RAB11FIP1: variants seen among roughly 807,000 people sequenced by gnomAD.
RAB11FIP1 encodes the protein rab11 family-interacting protein 1.
A neutral mutation model predicts 83.1 loss-of-function variants in RAB11FIP1; 49 were observed. The observed-to-expected ratio is 0.59, with a 90% CI of 0.47 to 0.75. The LOEUF is 0.75. Among genes scored for constraint, RAB11FIP1 ranks in the 30% least tolerant of loss-of-function variants. The pLI is 0.00. For synonymous variants in RAB11FIP1, 670 were observed against 656.0 expected (o/e 1.02, Z -0.33); for missense variants, 1,536 against 1,598.7 (o/e 0.96, Z 0.67).
chr8:37,870,399 C>A (rs776185830), intron 5 of RAB11FIP1, 21 bp downstream of exon 5: 2 of 1,417,282 alleles, frequency 1.4e-6, no homozygotes, highest in East Asian at 2.3e-5. Flanking sequence ...AACGAACACA[C>A]CAGCTTCTCA....
intron 1 of RAB11FIP1, among the ~76,000 whole-genome samples, chr8:37,897,329 C>T (rs1807108668): frequency 6.6e-6 from 1 of 151,242 alleles, no homozygotes; most frequent in Non-Finnish European, 1.5e-5. Context: ...TCCTGTCTCC[C>T]ACAGAAGGGA....
At chr8:37,884,862 T>C (rs985991148) in intron 1 of RAB11FIP1, among the ~76,000 whole-genome samples, 1 of 151,934 alleles carries the variant, frequency 6.6e-6, no homozygotes, top group Non-Finnish European at 1.5e-5. Flanking sequence ...TTTTGTTTTG[T>C]TTTAGAGATA....
At chr8:37,876,703 C>T (rs1406172804) in intron 2 of RAB11FIP1, among the ~76,000 whole-genome samples, 6 of 151,256 alleles carry the variant, frequency 4.0e-5, no homozygotes, top group Middle Eastern at 3.4e-3. Context: ...TGCAGTGGCA[C>T]GATCACAGCT....
chr8:37,890,878 C>G (rs1806935525), intron 1 of RAB11FIP1, among the ~76,000 whole-genome samples: 2 of 152,154 alleles, frequency 1.3e-5, no homozygotes, highest in African/African-American at 4.8e-5. Context: ...TCGGACATCC[C>G]CAGTCTGTAA....
chr8:37,890,248 T>C (rs976628398), intron 1 of RAB11FIP1, among the ~76,000 whole-genome samples: 3 of 152,214 alleles, frequency 2.0e-5, no homozygotes, highest in Non-Finnish European at 2.9e-5. Context: ...GCCCATTCTT[T>C]TATAATAACC....
At position 37,861,859 on chromosome 8, in the gene RAB11FIP1, G is replaced by A; in HGVS notation, c.*1036C>T. 3.8e-6 allele frequency: 1 copy of A among 262,188 alleles called. No individual in the cohort carries two copies. Among genetic ancestry groups the A allele is most frequent in the South Asian group, 3.4e-5 (1 of 29,146 alleles). The allele number at this position is 262,188 out of a possible 1,614,324, so 16.2% of individuals were successfully genotyped here. ...CCTCCTCGGCCTTGCAAAGTGCTGGGATTACAGGCATGAGCCACCACGACT... is the reference window on the plus strand; with the variant it reads ...CCTCCTCGGCCTTGCAAAGTGCTGGAATTACAGGCATGAGCCACCACGACT... On this transcript the variant is annotated 3_prime_UTR_variant, in exon 6 of 6. Transcript: ENST00000330843.
At position 37,878,692 on chromosome 8, in the gene RAB11FIP1, T is replaced by TA. The variant is rs1326272323; in HGVS notation, c.372-1142dup. Among the ~76,000 whole-genome samples, 1,033 of 132,024 alleles carry TA rather than the reference T, an allele frequency of 7.8e-3. 10 individuals carry two copies. The highest frequency in any genetic ancestry group is 0.023 in the African/African-American group (813 of 35,996). 86.6% of individuals were successfully genotyped at this position (132,024 alleles called of 152,430 possible). On this transcript the variant is annotated intron_variant, in intron 1 of 5. Transcript: ENST00000330843. ...AAATAATAATAATACAACACAGAAT[T>TA]AAAAAAAAAAAAAAAGTGGGGAGGG...
chr8:37,894,780 G>A (rs1029738110), intron 1 of RAB11FIP1, among the ~76,000 whole-genome samples: 39 of 146,316 alleles, frequency 2.7e-4, no homozygotes, highest in Admixed American at 2.5e-3. Context: ...ATAGAGTTTC[G>A]TTCTTGTCGC....
rs1382696511 is a variant in RAB11FIP1, at chr8:37,860,915, T to C, written c.*1980A>G. The C allele has an allele frequency of 6.6e-6, 1 of 152,648 alleles. No individual in the cohort carries two copies. Among genetic ancestry groups the C allele is most frequent in the African/African-American group, 2.4e-5 (1 of 41,456 alleles). The allele number at this position is 152,648 out of a possible 1,614,324, so 9.5% of individuals were successfully genotyped here. On this transcript the variant is annotated 3_prime_UTR_variant, in exon 6 of 6. Transcript: ENST00000330843. ...TCCTGGAAAGAGATTGCACTGCCAA[T>C]GATTTTGTCTCTTAACCTCAATGTA... is the stretch of plus-strand genomic sequence containing the variant.
intron 5 of RAB11FIP1, among the ~76,000 whole-genome samples, chr8:37,865,777 T>C (rs1417103723): frequency 1.3e-5 from 2 of 152,226 alleles, no homozygotes; most frequent in African/African-American, 2.4e-5. Flanking sequence ...ATTTTAACTA[T>C]TCCTCTATTG....
chr8:37,887,587 C>T (rs973233371), intron 1 of RAB11FIP1, among the ~76,000 whole-genome samples: 10 of 151,550 alleles, frequency 6.6e-5, no homozygotes, highest in Non-Finnish European at 1.3e-4. Flanking sequence ...CTGACCATTG[C>T]CTTTTTATAA....
intron 5 of RAB11FIP1, among the ~76,000 whole-genome samples, chr8:37,869,082 G>A (rs565448181): frequency 6.6e-6 from 1 of 151,998 alleles, no homozygotes; most frequent in East Asian, 1.9e-4. Flanking sequence ...ACATAAATTA[G>A]CTGGGCATGG....
At position 37,873,020 on chromosome 8, in the gene RAB11FIP1, G is replaced by C. The variant is rs747491998; in HGVS notation, c.1782C>G (p.Val594=). 85 of 1,614,014 alleles carry C rather than the reference G, an allele frequency of 5.3e-5. No individual in the cohort carries two copies. Among genetic ancestry groups the C allele is most frequent in the Non-Finnish European group, 6.9e-5 (82 of 1,180,020 alleles). ...ADTQSSESPS[V]FSSLSSPIAA... ...CTATGGGAGATGAGAGAGAGGAGAA[G>C]ACAGAAGGACTCTCAGAGGACTGTG... The change falls in exon 4 of 6, where the codon GTC becomes GTG. Residue 594 remains valine (V), a synonymous_variant. Transcript: ENST00000330843.
rs1806643333 is a variant in RAB11FIP1 at position 37,877,519 on chromosome 8, T to C, written c.404A>G (p.Lys135Arg). The change falls in exon 2 of 6, where the codon AAG (lysine) becomes AGG (arginine). Residue 135 changes from lysine to arginine, a missense_variant. Coordinates refer to ENST00000330843, the MANE Select transcript of RAB11FIP1 (RefSeq NM_001002814.3). Reference protein sequence around the residue: ...WYKLKSKPGKKDKERGEIEVD... With the variant: ...WYKLKSKPGKRDKERGEIEVD... ...CTCAATTTCTCCTCGCTCCTTGTCC[T>C]TCTTTCCTGGTTTGGATTTCAACTT... 2 of 1,609,868 alleles carry C rather than the reference T, an allele frequency of 1.2e-6. No homozygotes were observed. The highest frequency in any genetic ancestry group is 1.7e-6 in the Non-Finnish European group (2 of 1,179,746).
chr8:37,863,349 G>T (rs138570464), intron 5 of RAB11FIP1, among the ~76,000 whole-genome samples: 3,176 of 152,148 alleles, frequency 0.021, 100 homozygotes, highest in African/African-American at 0.073. Flanking sequence ...GGGTTCAAGT[G>T]ATTCTCCCAC....
chr8:37,895,419 A>AGGTTTCTAT (rs1807065434), intron 1 of RAB11FIP1, among the ~76,000 whole-genome samples: 1 of 148,722 alleles, frequency 6.7e-6, no homozygotes, highest in East Asian at 2.0e-4. Context: ...CCTCCTAAAA[A>AGGTTTCTAT]GGTTTCTATC....
rs775855916 is a variant in RAB11FIP1 at position 37,872,711 on chromosome 8, A to G, written c.2091T>C (p.Pro697=). The G allele has an allele frequency of 3.0e-5, 48 of 1,614,072 alleles. No individual in the cohort carries two copies. Among genetic ancestry groups the G allele is most frequent in the Middle Eastern group, 1.6e-4 (1 of 6,084 alleles). Residue 697 remains proline, a synonymous_variant, in exon 4 of 6, where the codon CCT becomes CCC. Coordinates refer to ENST00000330843, the MANE Select transcript of RAB11FIP1 (RefSeq NM_001002814.3). The stretch of plus-strand genomic sequence containing the variant: ...GTTCTTCCTCTTGTCGCCCTGTTTC[A>G]GGCTGCTCTGGGAGAGACTCCTCCA... ...LELEESLPEQ[P]ETGRQEEELP... is the part of the protein sequence containing the mutation.
intron 1 of RAB11FIP1, chr8:37,878,013 C>T (rs571708276): frequency 1.3e-5 from 2 of 154,204 alleles, no homozygotes; most frequent in Non-Finnish European, 1.4e-5. Context: ...AGCCACTGCA[C>T]CCGGCTGAGA....
intron 3 of RAB11FIP1, 122 bp from the exon 4 acceptor site, chr8:37,873,301 A>G: frequency 8.7e-7 from 1 of 1,151,326 alleles, no homozygotes; most frequent in African/African-American, 1.6e-5. Context: ...GCAGTACCTT[A>G]AGAAGTTAAA....
Sources: gnomAD v4.1 joint callset for allele counts (sites outside exome capture counted in the v4.1 genomes callset) on GRCh38, gnomAD v4.1.1 for gene constraint, MANE v1.5 for transcripts, NCBI Gene and HGNC (gene_info 2026-07-23, HGNC 2026-07-21) for gene names.